Variants in ANO1 observed in about 807,000 individuals in gnomAD.
ANO1 encodes anoctamin 1, also known as anoctamin-1.
Under a neutral mutation model 124.0 loss-of-function variants are expected in ANO1, and 59 were observed. The ratio of observed to expected loss-of-function variants is 0.48; its 90% CI spans 0.39 to 0.59. ANO1 has a LOEUF of 0.59. ANO1 is among the 20% of genes least tolerant of loss of function. ANO1 has a pLI of 0.00. For synonymous variants in ANO1, 529 were observed against 532.0 expected (o/e 0.99, Z 0.08); for missense variants, 1,059 against 1,328.0 (o/e 0.80, Z 3.15).
At chr11:70,007,972 A>G (rs1181075076) in intron 1 of ANO1, among the ~76,000 whole-genome samples, 3 of 152,152 alleles carry the variant, frequency 2.0e-5, no homozygotes, top group Non-Finnish European at 2.9e-5. Context: ...GTGAGGTGGT[A>G]TCTCCTTGTG....
At chr11:70,127,862 C>T (rs182372256) in intron 10 of ANO1, among the ~76,000 whole-genome samples, 59 of 152,358 alleles carry the variant, frequency 3.9e-4, no homozygotes, top group Admixed American at 9.1e-4. Context: ...GTGCCTTCAG[C>T]GTGCAAATCG....
intron 24 of ANO1, among the ~76,000 whole-genome samples, chr11:70,184,334 G>C (rs545616720): frequency 7.7e-4 from 118 of 152,316 alleles, no homozygotes; most frequent in African/African-American, 2.8e-3. Flanking sequence ...GTGAAAAGAG[G>C]AAGGGGCTGG....
chr11:70,140,536 A>T (rs75827005), intron 11 of ANO1, among the ~76,000 whole-genome samples: 1 of 149,522 alleles, frequency 6.7e-6, no homozygotes, highest in Non-Finnish European at 1.5e-5. Context: ...TGTCTCAAGG[A>T]AAAAAAAAAG....
intron 1 of ANO1, among the ~76,000 whole-genome samples, chr11:70,012,226 C>G (rs1260656540): frequency 6.6e-6 from 1 of 151,478 alleles, no homozygotes; most frequent in Non-Finnish European, 1.5e-5. Context: ...AGCAATCTAT[C>G]TATTCATTCA....
chr11:70,031,303 C>T (rs1479413909), intron 1 of ANO1, among the ~76,000 whole-genome samples: 1 of 152,186 alleles, frequency 6.6e-6, no homozygotes, highest in African/African-American at 2.4e-5. Flanking sequence ...AGCTAATTAG[C>T]ATATCTATCA....
chr11:70,026,097 C>T (rs797023022), intron 1 of ANO1, among the ~76,000 whole-genome samples: 180 of 61,438 alleles, frequency 2.9e-3, no homozygotes, highest in Middle Eastern at 0.031. Context: ...ATGATGATGA[C>T]GGTGGTGGTG....
Position 70,149,806 on chromosome 11 carries a change from C to T in ANO1, c.1341+14C>T. The T allele has an allele frequency of 1.2e-6, 2 of 1,612,312 alleles. No individual in the cohort carries two copies. The highest frequency in any genetic ancestry group is 8.5e-7 in the Non-Finnish European group (1 of 1,179,136). On this transcript the variant is annotated intron_variant, in intron 12 of 25. Coordinates refer to ENST00000355303, the MANE Select transcript of ANO1 (RefSeq NM_018043.7). ...GAAGAGGAAGAGGTCAGTGGGTTTG[C>T]CGCCGTGCATATCACGCCCTTCCCC...
intron 2 of ANO1, among the ~76,000 whole-genome samples, chr11:70,096,637 G>A (rs1052914384): frequency 2.0e-5 from 3 of 152,076 alleles, no homozygotes; most frequent in African/African-American, 7.3e-5. Flanking sequence ...GAGGTGGGAG[G>A]ATCACCTGAG....
intron 11 of ANO1, among the ~76,000 whole-genome samples, chr11:70,135,055 T>G (rs967495203): frequency 3.3e-4 from 51 of 152,264 alleles, no homozygotes; most frequent in African/African-American, 1.2e-3. Context: ...AGAGGGAGCT[T>G]GTGCAGTGAT....
intron 11 of ANO1, among the ~76,000 whole-genome samples, chr11:70,144,183 G>C (rs1426582198): frequency 1.3e-5 from 2 of 151,974 alleles, no homozygotes; most frequent in African/African-American, 4.8e-5. Context: ...ATACAAACGG[G>C]GTGGTACAAA....
intron 6 of ANO1, among the ~76,000 whole-genome samples, chr11:70,109,354 G>A (rs571768046): frequency 1.2e-3 from 177 of 152,290 alleles, no homozygotes; most frequent in Non-Finnish European, 3.7e-4. Flanking sequence ...GAGAGAAGAC[G>A]AACCCTCGAC....
intron 1 of ANO1, among the ~76,000 whole-genome samples, chr11:70,032,292 G>A (rs953834571): frequency 9.9e-5 from 15 of 152,162 alleles, no homozygotes; most frequent in Admixed American, 8.5e-4. Flanking sequence ...GCCCAGGGCT[G>A]GGAAGGGCCT....
Position 70,161,150 on chromosome 11 carries a change from C to T in ANO1, c.1579-11C>T, listed in dbSNP as rs527983061. The T allele has an allele frequency of 1.9e-5, 31 of 1,611,156 alleles. No homozygotes were observed. The African/African-American group carries it at 2.5e-4, about 13-fold the overall frequency. On this transcript the variant is annotated splice_polypyrimidine_tract_variant and intron_variant, in intron 16 of 25. Coordinates refer to ENST00000355303, the MANE Select transcript of ANO1 (RefSeq NM_018043.7). ...GGCCCCCAACCAAGAGTGCCCCTTT[C>T]CCCCCTGCAGATTGCAGTGACGTTT... is the stretch of plus-strand genomic sequence containing the variant.
At chr11:70,029,066 G>A (rs1029643620) in intron 1 of ANO1, among the ~76,000 whole-genome samples, 2 of 152,208 alleles carry the variant, frequency 1.3e-5, no homozygotes, top group East Asian at 1.9e-4. Context: ...ACAGGCATGA[G>A]CCACTGCGTC....
At chr11:70,028,125 G>A (rs942905556) in intron 1 of ANO1, among the ~76,000 whole-genome samples, 4 of 152,230 alleles carry the variant, frequency 2.6e-5, no homozygotes, top group Non-Finnish European at 5.9e-5. Context: ...TTGCCAAAGG[G>A]AGATGAATAC....
intron 1 of ANO1, among the ~76,000 whole-genome samples, chr11:69,993,269 T>C (rs1223412391): frequency 6.6e-6 from 1 of 152,262 alleles, no homozygotes; most frequent in Non-Finnish European, 1.5e-5. Flanking sequence ...GAATTATTTC[T>C]GCCCACATAT....
At chr11:70,059,902 G>A (rs1190353129) in intron 1 of ANO1, among the ~76,000 whole-genome samples, 1 of 151,414 alleles carries the variant, frequency 6.6e-6, no homozygotes, top group Non-Finnish European at 1.5e-5. Context: ...AAAAATACTG[G>A]CCTTCTGGAG....
At chr11:70,073,548 A>C (rs782550442), upstream of ANO1, among the ~76,000 whole-genome samples, 5 of 152,168 alleles carry the variant, frequency 3.3e-5, no homozygotes, top group Non-Finnish European at 5.9e-5. Flanking sequence ...GAGAGTAAAG[A>C]GTGCAGAAAT....
At chr11:70,105,671 G>A (rs1328637277) in intron 4 of ANO1, 63 bp from the exon 5 acceptor site, 1 of 1,530,892 alleles carries the variant, frequency 6.5e-7, no homozygotes, top group African/African-American at 1.4e-5. Flanking sequence ...CCAGGGCCTT[G>A]AAACCCAGAG....
Sources: gnomAD v4.1 joint callset for allele counts (sites outside exome capture counted in the v4.1 genomes callset) on GRCh38, gnomAD v4.1.1 for gene constraint, MANE v1.5 for transcripts, NCBI Gene and HGNC (gene_info 2026-07-23, HGNC 2026-07-21) for gene names.